Variants in CD109 observed in about 807,000 individuals in gnomAD.
The protein encoded by CD109 is CD109 molecule.
In CD109, 149 loss-of-function variants were observed where a neutral mutation model predicts 165.8. The ratio of observed to expected loss-of-function variants is 0.90; its 90% CI spans 0.79 to 1.03. The LOEUF (loss-of-function observed/expected upper bound fraction) is 1.03. CD109 is among the 50% of genes least tolerant of loss of function. The probability of loss-of-function intolerance (pLI) is 0.00; values close to 1 mark genes in which losing one functional copy is unlikely to be tolerated. For missense variants in CD109, 1,712 were observed against 1,677.8 expected, an observed-to-expected ratio of 1.02 and a Z score of -0.36; for synonymous variants, 585 against 592.1, an observed-to-expected ratio of 0.99 and a Z score of 0.18.
chr6:73,757,724 T>G (rs1420250499), intron 6 of CD109, among the ~76,000 whole-genome samples: 4 of 152,258 alleles, frequency 2.6e-5, no homozygotes, highest in South Asian at 2.1e-4. Context: ...TTTAAATTTT[T>G]ATTATTTGTT....
At chr6:73,800,257 C>A (rs1775316555) in intron 23 of CD109, among the ~76,000 whole-genome samples, 1 of 152,140 alleles carries the variant, frequency 6.6e-6, no homozygotes, top group Non-Finnish European at 1.5e-5. Flanking sequence ...AATTACTCTG[C>A]ATCAGTTGAC....
intron 24 of CD109, among the ~76,000 whole-genome samples, chr6:73,803,633 T>C (rs1775459021): frequency 6.6e-6 from 1 of 151,742 alleles, no homozygotes; most frequent in Non-Finnish European, 1.5e-5. Context: ...AGCTTTTTTC[T>C]TAATCTTCCA....
chr6:73,803,337 T>A, intron 24 of CD109, 36 bp downstream of exon 24: 1 of 1,515,352 alleles, frequency 6.6e-7, no homozygotes. Context: ...ATCCGTGTCA[T>A]GGAATGGGCT....
rs1773892336 is a variant in CD109 at position 73,767,409 on chromosome 6, A to G, written c.1497+399A>G. ...ATTTTATTCTTTTTTATAGCTGCATAGTATTCCGTAGTATATGTGCACCAC... is the reference window on the plus strand; with the variant it reads ...ATTTTATTCTTTTTTATAGCTGCATGGTATTCCGTAGTATATGTGCACCAC... On this transcript the variant is annotated intron_variant, in intron 13 of 32. Coordinates refer to ENST00000287097, the MANE Select transcript of CD109 (RefSeq NM_133493.5). Among the ~76,000 whole-genome samples the G allele has an allele frequency of 3.9e-5, 6 of 152,182 alleles. No individual in the cohort carries two copies. In the South Asian group the frequency reaches 1.0e-3, roughly 26 times the overall value.
At chr6:73,740,146 T>C (rs1464140011) in intron 5 of CD109, among the ~76,000 whole-genome samples, 1 of 152,222 alleles carries the variant, frequency 6.6e-6, no homozygotes, top group Non-Finnish European at 1.5e-5. Context: ...CACAAAGTGC[T>C]GGGATTACAT....
chr6:73,750,842 GTTCTTTGGGACGAA>G (rs1307532187), intron 5 of CD109, among the ~76,000 whole-genome samples: 1 of 152,106 alleles, frequency 6.6e-6, no homozygotes, highest in Non-Finnish European at 1.5e-5. Flanking sequence ...ATTTTGTCCT[GTTCTTTGGGACGAA>G]TTCTTCCCTA....
In CD109 at chr6:73,780,452, C is replaced by T; in HGVS notation, c.1856C>T (p.Thr619Ile). 1 of 1,608,034 alleles carries T rather than the reference C, an allele frequency of 6.2e-7. No homozygotes were observed. The highest frequency in any genetic ancestry group is 8.5e-7 in the Non-Finnish European group (1 of 1,175,340). Residue 619 changes from threonine to isoleucine, a missense_variant, in exon 16 of 33, where the codon ACA becomes ATA. Physicochemically the swap from Thr to Ile is moderately conservative, Grantham distance 89 (BLOSUM62 -1). Transcript: ENST00000287097. ...NVVHELELYN[T>I]GYYLGMFMNS... ...GTCCATGAGTTGGAACTTTATAACA[C>T]AGGATATTATTTAGGCATGTTCATG... is the stretch of plus-strand genomic sequence containing the variant.
At chr6:73,696,347 C>G in intron 1 of CD109, 58 bp downstream of exon 1, 5 of 1,334,560 alleles carry the variant, frequency 3.7e-6, no homozygotes, top group Non-Finnish European at 4.8e-6. Flanking sequence ...CGCTCTGCGG[C>G]TCTGGGCCAG....
chr6:73,690,541 A>G, the CD109 span, among the ~76,000 whole-genome samples: 2 of 152,134 alleles, frequency 1.3e-5, no homozygotes, highest in Middle Eastern at 3.2e-3. Flanking sequence ...AGCTGGGATT[A>G]CAGGCATGTG....
chr6:73,705,913 A>G (rs189348888), intron 2 of CD109, among the ~76,000 whole-genome samples: 224 of 152,292 alleles, frequency 1.5e-3, no homozygotes, highest in African/African-American at 5.1e-3. Context: ...GAAGTTTGGT[A>G]GTTGAAAGGA....
At chr6:73,721,428 G>A (rs926563886) in intron 2 of CD109, among the ~76,000 whole-genome samples, 1 of 150,250 alleles carries the variant, frequency 6.7e-6, no homozygotes, top group African/African-American at 2.5e-5. Context: ...GCAGTGGCAC[G>A]ATCTTGGCTC....
In CD109 at chr6:73,826,604, G is replaced by A. The variant is rs888868207; in HGVS notation, c.*2971G>A. 9 of 152,146 alleles carry A rather than the reference G, an allele frequency of 5.9e-5. No homozygotes were observed. The highest frequency in any genetic ancestry group is 2.2e-4 in the African/African-American group (9 of 41,432). The allele number at this position is 152,146 out of a possible 1,614,324, so 9.4% of individuals were successfully genotyped here. On this transcript the variant is annotated 3_prime_UTR_variant, in exon 33 of 33. Transcript: ENST00000287097. ...TTAAAATATGTCTGGTCAATGAAATGCTTCCTTTTATTGTGTTGTGCTATT... is the reference window on the plus strand; with the variant it reads ...TTAAAATATGTCTGGTCAATGAAATACTTCCTTTTATTGTGTTGTGCTATT...
At chr6:73,781,635 C>A (rs1774503609) in intron 17 of CD109, among the ~76,000 whole-genome samples, 1 of 151,998 alleles carries the variant, frequency 6.6e-6, no homozygotes, top group South Asian at 2.1e-4. Context: ...CTGTCCTATT[C>A]TTTTGGAATT....
At chr6:73,803,189 A>T in intron 23 of CD109, 31 bp from the exon 24 acceptor site, 2 of 1,449,832 alleles carry the variant, frequency 1.4e-6, no homozygotes, top group South Asian at 1.1e-5. Flanking sequence ...GTTAATGATT[A>T]CTTTGACTAT....
chr6:73,775,213 A>G (rs568078689), intron 15 of CD109, among the ~76,000 whole-genome samples: 1 of 152,006 alleles, frequency 6.6e-6, no homozygotes, highest in Admixed American at 6.6e-5. Context: ...ATATGTATAT[A>G]TGAGGTTATT....
intron 23 of CD109, among the ~76,000 whole-genome samples, chr6:73,800,626 G>A (rs1775326868): frequency 1.3e-5 from 2 of 152,196 alleles, no homozygotes; most frequent in Non-Finnish European, 2.9e-5. Flanking sequence ...TCTGATGGGA[G>A]AGAAATGGTA....
chr6:73,692,146 C>G (rs759463024), upstream of CD109, among the ~76,000 whole-genome samples: 2 of 152,108 alleles, frequency 1.3e-5, no homozygotes, highest in African/African-American at 4.8e-5. Flanking sequence ...TCAATCACCT[C>G]CTACCAGGCC....
At chr6:73,709,556 A>C (rs1181744375) in intron 2 of CD109, among the ~76,000 whole-genome samples, 1 of 152,186 alleles carries the variant, frequency 6.6e-6, no homozygotes, top group Non-Finnish European at 1.5e-5. Context: ...TGGTAGCTTG[A>C]TGGGGATGGC....
intron 15 of CD109, among the ~76,000 whole-genome samples, chr6:73,772,118 C>T (rs1385653360): frequency 6.6e-6 from 1 of 152,110 alleles, no homozygotes; most frequent in Non-Finnish European, 1.5e-5. Flanking sequence ...AGGAAATTGA[C>T]TTGCATTATT....
Sources: gnomAD v4.1 joint callset for allele counts (sites outside exome capture counted in the v4.1 genomes callset) on GRCh38, gnomAD v4.1.1 for gene constraint, MANE v1.5 for transcripts, NCBI Gene and HGNC (gene_info 2026-07-23, HGNC 2026-07-21) for gene names.